The following PARD3B variants were observed in gnomAD, a reference collection of about 807,000 sequenced individuals.
PARD3B encodes par-3 family cell polarity regulator beta.
Under a neutral mutation model 130.2 loss-of-function variants are expected in PARD3B, and 103 were observed. That is an observed-to-expected ratio of 0.79 (90% confidence interval 0.67 to 0.93). PARD3B has a LOEUF of 0.93. PARD3B is among the 40% of genes least tolerant of loss of function. The probability of loss-of-function intolerance (pLI) is 0.00; values close to 1 mark genes in which losing one functional copy is unlikely to be tolerated. For synonymous variants in PARD3B, 583 were observed against 553.2 expected (o/e 1.05, Z -0.76); for missense variants, 1,609 against 1,499.2 (o/e 1.07, Z -1.21).
intron 10 of PARD3B, among the ~76,000 whole-genome samples, chr2:205,148,161 A>G (rs1045342552): frequency 6.6e-6 from 1 of 152,034 alleles, no homozygotes; most frequent in African/African-American, 2.4e-5. Context: ...TCTATCATCT[A>G]TATTGTCTAT....
At chr2:204,735,187 T>G (rs1407319648) in intron 2 of PARD3B, among the ~76,000 whole-genome samples, 2 of 152,010 alleles carry the variant, frequency 1.3e-5, no homozygotes, top group Non-Finnish European at 2.9e-5. Flanking sequence ...CTTAATTGGA[T>G]AAAGTGCACC....
chr2:204,679,307 C>G (rs1054382621), intron 1 of PARD3B, among the ~76,000 whole-genome samples: 5 of 152,084 alleles, frequency 3.3e-5, no homozygotes, highest in African/African-American at 1.2e-4. Flanking sequence ...TTGATATATA[C>G]CCAGATTTCT....
intron 18 of PARD3B, among the ~76,000 whole-genome samples, chr2:205,312,158 G>A (rs1469946725): frequency 6.6e-6 from 1 of 152,184 alleles, no homozygotes; most frequent in African/African-American, 2.4e-5. Flanking sequence ...GCCGCAGCCT[G>A]TCATTACCTC....
At chr2:204,952,218 A>G (rs2125826967) in intron 2 of PARD3B, among the ~76,000 whole-genome samples, 1 of 152,356 alleles carries the variant, frequency 6.6e-6, no homozygotes. Context: ...TTATGCAGTC[A>G]TCGAAATATT....
chr2:204,733,129 T>TG (rs1444656116), intron 2 of PARD3B, among the ~76,000 whole-genome samples: 1 of 152,140 alleles, frequency 6.6e-6, no homozygotes, highest in Non-Finnish European at 1.5e-5. Flanking sequence ...GGATGGCACT[T>TG]GCACTGGTAA....
intron 2 of PARD3B, among the ~76,000 whole-genome samples, chr2:204,756,891 GT>G (rs1305624894): frequency 6.6e-6 from 1 of 152,068 alleles, no homozygotes; most frequent in South Asian, 2.1e-4. Flanking sequence ...TCAATAAGTA[GT>G]TTTTCAACCC....
chr2:205,072,575 C>T (rs1350910513), intron 4 of PARD3B, among the ~76,000 whole-genome samples: 1 of 152,028 alleles, frequency 6.6e-6, no homozygotes, highest in Admixed American at 6.6e-5. Flanking sequence ...TAGGTGGAGA[C>T]AATTAAATTT....
intron 21 of PARD3B, among the ~76,000 whole-genome samples, chr2:205,546,877 A>G (rs532448280): frequency 6.6e-6 from 1 of 152,352 alleles, no homozygotes; most frequent in East Asian, 1.9e-4. Context: ...GTTTTAAAAT[A>G]TATCCAATAG....
chr2:204,688,641 C>T (rs2037207000), intron 2 of PARD3B, among the ~76,000 whole-genome samples: 1 of 149,416 alleles, frequency 6.7e-6, no homozygotes, highest in East Asian at 2.0e-4. Context: ...CCTTGGTAAT[C>T]TTAAGATTTC....
chr2:204,657,098 C>A (rs975622002), intron 1 of PARD3B, among the ~76,000 whole-genome samples: 1 of 152,216 alleles, frequency 6.6e-6, no homozygotes, highest in African/African-American at 2.4e-5. Flanking sequence ...CTGTTTGATG[C>A]ACAGATTCCA....
chr2:204,949,241 C>T (rs78998918), intron 2 of PARD3B, among the ~76,000 whole-genome samples: 2,751 of 152,198 alleles, frequency 0.018, 36 homozygotes, highest in Non-Finnish European at 0.032. Context: ...ATATTATGTT[C>T]TAATTGGTAT....
intron 2 of PARD3B, among the ~76,000 whole-genome samples, chr2:204,813,475 A>G (rs1358885413): frequency 6.6e-6 from 1 of 152,044 alleles, no homozygotes; most frequent in Non-Finnish European, 1.5e-5. Context: ...GCTGTGGATT[A>G]TCTTCTTATT....
intron 2 of PARD3B, among the ~76,000 whole-genome samples, chr2:204,915,909 C>T (rs574282283): frequency 3.3e-5 from 5 of 152,186 alleles, no homozygotes; most frequent in East Asian, 1.9e-4. Context: ...AATTCATTTA[C>T]GGTTTGTGGC....
At chr2:205,098,409 A>C (rs9288359) in intron 4 of PARD3B, among the ~76,000 whole-genome samples, 107,648 of 151,988 alleles carry the variant, frequency 0.71, 38,529 homozygotes, top group Admixed American at 0.8. Flanking sequence ...TCAGAGGGAG[A>C]TACTTATTGA....
chr2:205,004,198 G>C (rs1280284277), intron 3 of PARD3B, among the ~76,000 whole-genome samples: 7 of 152,094 alleles, frequency 4.6e-5, no homozygotes, highest in Admixed American at 6.5e-5. Flanking sequence ...AGCCCTGAAG[G>C]CTCTTTGTTC....
intron 21 of PARD3B, among the ~76,000 whole-genome samples, chr2:205,519,703 C>A (rs1428518003): frequency 1.3e-5 from 2 of 152,168 alleles, no homozygotes; most frequent in Non-Finnish European, 2.9e-5. Context: ...CTTATCTTTA[C>A]ATGTGGGTGT....
intron 2 of PARD3B, among the ~76,000 whole-genome samples, chr2:204,781,947 C>T (rs1274464186): frequency 1.3e-5 from 2 of 152,022 alleles, no homozygotes; most frequent in Non-Finnish European, 2.9e-5. Flanking sequence ...CTTTTATTAT[C>T]AGATTCTGCT....
intron 1 of PARD3B, among the ~76,000 whole-genome samples, chr2:204,630,088 T>G (rs1559194831): frequency 6.6e-6 from 1 of 152,200 alleles, no homozygotes; most frequent in South Asian, 2.1e-4. Context: ...CTTAAATTCT[T>G]GAGCTTATGA....
At chr2:205,114,158 C>A (rs1428997286) in intron 6 of PARD3B, among the ~76,000 whole-genome samples, 2 of 152,118 alleles carry the variant, frequency 1.3e-5, no homozygotes, top group East Asian at 3.9e-4. Context: ...CATTATGTTG[C>A]TAAATCCACA....
Sources: allele counts gnomAD v4.1 joint callset (sites outside exome capture counted in the v4.1 genomes callset), GRCh38; gene constraint gnomAD v4.1.1; transcripts MANE v1.5; gene names NCBI Gene and HGNC (gene_info 2026-07-23, HGNC 2026-07-21).